The following STK32B variants were observed in gnomAD, a reference collection of about 807,000 sequenced individuals.
STK32B encodes serine/threonine-protein kinase 32B.
Under a neutral mutation model 52.6 loss-of-function variants are expected in STK32B, and 43 were observed. That is an observed-to-expected ratio of 0.82 (90% CI 0.64 to 1.05). The LOEUF is 1.05. Ranked by LOEUF, STK32B falls within the 50% of genes least tolerant of loss-of-function variation. The pLI is 0.00. For missense variants in STK32B, 621 were observed against 534.6 expected (o/e 1.16, Z -1.59); for synonymous variants, 238 against 204.3 (o/e 1.17, Z -1.41).
chr4:5,485,894 G>C (rs1467748337), intron 11 of STK32B, among the ~76,000 whole-genome samples: 4 of 152,214 alleles, frequency 2.6e-5, no homozygotes, highest in African/African-American at 4.8e-5. Context: ...GAAGGCTGCA[G>C]AACAGTGGAT....
At chr4:5,479,656 C>T (rs529188682) in intron 11 of STK32B, among the ~76,000 whole-genome samples, 67 of 152,286 alleles carry the variant, frequency 4.4e-4, no homozygotes, top group African/African-American at 1.6e-3. Context: ...GCTTGGGTAA[C>T]ACTGGCTGGG....
intron 1 of STK32B, 157 bp from the exon 2 acceptor site, chr4:5,139,748 C>A: frequency 1.4e-6 from 1 of 697,454 alleles, no homozygotes; most frequent in East Asian, 2.6e-5. Flanking sequence ...GCTGCAAATT[C>A]CCCTGTGGAT....
intron 2 of STK32B, among the ~76,000 whole-genome samples, chr4:5,153,840 A>G (rs1717574621): frequency 6.6e-6 from 1 of 152,218 alleles, no homozygotes; most frequent in South Asian, 2.1e-4. Context: ...GCAAGCTTGA[A>G]GAATACAAAG....
chr4:5,400,607 A>G lies in STK32B; in HGVS notation c.472+2363A>G, dbSNP rs1324064295. Among the ~76,000 whole-genome samples, 3 of 152,144 alleles carry G rather than the reference A, an allele frequency of 2.0e-5. No homozygotes were observed. Among genetic ancestry groups the G allele is most frequent in the Admixed American group, 6.5e-5 (1 of 15,278 alleles). On this transcript the variant is annotated intron_variant, in intron 5 of 11. Transcript: ENST00000282908. The surrounding 1 kb of genome is among the most constrained non-coding windows in gnomAD (Gnocchi z 6.1). ...TAACCCTTCCCCACTCCAACACTCA[A>G]TGAGTGGCTTTGCAGGTGGTACAGA... is the stretch of plus-strand genomic sequence containing the variant.
intron 6 of STK32B, among the ~76,000 whole-genome samples, chr4:5,438,279 T>C (rs1394488605): frequency 2.0e-5 from 3 of 152,156 alleles, no homozygotes; most frequent in African/African-American, 7.2e-5. Flanking sequence ...GGCTCAGTGG[T>C]GGGATCCAGG....
rs1294810902 is a variant in STK32B at position 5,380,352 on chromosome 4, T to C, written c.435-17855T>C. Reference sequence around the variant, plus strand: ...ATCTCTCCAACGCTACCCAAGAGAATGCAAAAGGCCAGGCTTCTGCATTTA... The same window carrying C: ...ATCTCTCCAACGCTACCCAAGAGAACGCAAAAGGCCAGGCTTCTGCATTTA... On this transcript the variant is annotated intron_variant, in intron 4 of 11. Transcript: ENST00000282908. The surrounding 1 kb of genome is among the most constrained non-coding windows in gnomAD (Gnocchi z 4.3). 6.6e-6 allele frequency among the ~76,000 whole-genome samples: 1 copy of C among 152,138 alleles called. No individual in the cohort carries two copies. Among genetic ancestry groups the C allele is most frequent in the Non-Finnish European group, 1.5e-5 (1 of 68,020 alleles).
intron 4 of STK32B, among the ~76,000 whole-genome samples, chr4:5,391,672 G>A (rs971727426): frequency 6.6e-6 from 1 of 152,350 alleles, no homozygotes; most frequent in African/African-American, 2.4e-5. Context: ...CTACTGGCCA[G>A]ATCAGGAAAT....
intron 6 of STK32B, chr4:5,438,216 GCA>G: frequency 1.2e-6 from 1 of 844,170 alleles, no homozygotes; most frequent in Non-Finnish European, 1.4e-6. Context: ...AGAGGAACAG[GCA>G]CACACTCTGG....
At chr4:5,134,269 G>A (rs908460397) in intron 1 of STK32B, among the ~76,000 whole-genome samples, 3 of 152,184 alleles carry the variant, frequency 2.0e-5, no homozygotes, top group Non-Finnish European at 2.9e-5. Flanking sequence ...AAACAGTGTT[G>A]AGAGGAGAGG....
intron 3 of STK32B, among the ~76,000 whole-genome samples, chr4:5,310,645 G>GA (rs886422454): frequency 4.6e-5 from 7 of 151,534 alleles, no homozygotes; most frequent in East Asian, 1.9e-4. Context: ...TAAAAAAATA[G>GA]AAAAAAAATG....
intron 2 of STK32B, among the ~76,000 whole-genome samples, chr4:5,156,462 C>T (rs1717855352): frequency 1.3e-5 from 2 of 152,144 alleles, no homozygotes; most frequent in South Asian, 4.1e-4. Flanking sequence ...CACTCACCCT[C>T]GTCCAGCCCC....
At chr4:5,291,315 A>G (rs987120419) in intron 3 of STK32B, among the ~76,000 whole-genome samples, 1 of 152,060 alleles carries the variant, frequency 6.6e-6, no homozygotes, top group Non-Finnish European at 1.5e-5. Context: ...ATTTATGTAT[A>G]TCTTATTTAA....
At chr4:5,256,762 G>A (rs1207892741) in intron 3 of STK32B, among the ~76,000 whole-genome samples, 1 of 152,212 alleles carries the variant, frequency 6.6e-6, no homozygotes, top group Non-Finnish European at 1.5e-5. Flanking sequence ...CTGGGCACAA[G>A]ATGGACTAGG....
At chr4:5,379,896 G>C (rs1361460325) in intron 4 of STK32B, among the ~76,000 whole-genome samples, 1 of 152,210 alleles carries the variant, frequency 6.6e-6, no homozygotes, top group Non-Finnish European at 1.5e-5. Context: ...TGCTGCACTT[G>C]ATAAAACTTT....
intron 3 of STK32B, among the ~76,000 whole-genome samples, chr4:5,301,846 T>G (rs199652726): frequency 1.3e-5 from 1 of 79,204 alleles, no homozygotes; most frequent in African/African-American, 3.0e-4. Context: ...GTTTAGTTTG[T>G]TTTTTTTCTA....
intron 1 of STK32B, among the ~76,000 whole-genome samples, chr4:5,087,148 T>C (rs1712775856): frequency 6.6e-6 from 1 of 152,122 alleles, no homozygotes; most frequent in Admixed American, 6.5e-5. Context: ...CTATAATATG[T>C]GGTAAAAACA....
intron 3 of STK32B, among the ~76,000 whole-genome samples, chr4:5,225,779 G>C (rs1235435763): frequency 6.6e-6 from 1 of 152,188 alleles, no homozygotes; most frequent in Non-Finnish European, 1.5e-5. Flanking sequence ...CGGAGTTTTA[G>C]AAATATTGTA....
rs1742077770 is a variant in STK32B at position 5,058,099 on chromosome 4, C to T, written c.52+6184C>T. ...TGATTTTTGTGACCTCCTTGGAGTA[C>T]CCTTATGCATTGAAGATTTTGGCCT... On this transcript the variant is annotated intron_variant, in intron 1 of 11. Coordinates refer to ENST00000282908, the MANE Select transcript of STK32B (RefSeq NM_018401.3). The surrounding 1 kb of genome is among the most constrained non-coding windows in gnomAD (Gnocchi z 4.8). Among the ~76,000 whole-genome samples the T allele has an allele frequency of 6.6e-6, 1 of 152,134 alleles. No individual in the cohort carries two copies. The highest frequency in any genetic ancestry group is 1.5e-5 in the Non-Finnish European group (1 of 68,020).
At chr4:5,123,366 A>G (rs903938665) in intron 1 of STK32B, among the ~76,000 whole-genome samples, 1 of 152,046 alleles carries the variant, frequency 6.6e-6, no homozygotes, top group East Asian at 1.9e-4. Context: ...ACAAATGAGG[A>G]TTGAAGGAGT....
Sources: allele counts gnomAD v4.1 joint callset (sites outside exome capture counted in the v4.1 genomes callset), GRCh38; gene constraint gnomAD v4.1.1; non-coding constraint Gnocchi (gnomAD v3.1); transcripts MANE v1.5; gene names NCBI Gene and HGNC (gene_info 2026-07-23, HGNC 2026-07-21).